Variants in MAGEL2 observed in about 807,000 individuals in gnomAD.
The protein encoded by MAGEL2 is MAGE family member L2.
For missense variants in MAGEL2, 1,830 were observed against 1,699.2 expected, an observed-to-expected ratio of 1.08 and a Z score of -1.35; for synonymous variants, 792 against 721.7, an observed-to-expected ratio of 1.10 and a Z score of -1.56.
chr15:23,647,231 T>C lies in MAGEL2; in HGVS notation c.512A>G (p.His171Arg). Residue 171 changes from histidine to arginine, a missense_variant, in exon 1 of 1, where the codon CAT becomes CGT. Physicochemically the swap from His to Arg is conservative, Grantham distance 29. Transcript: ENST00000650528. ...CATCGGGGTCCCCGGAGGAGGAGGA[T>C]GGGCCATCGGGGTCCCCGGAGGAGG... The part of the protein sequence containing the change: ...HPPPPGTPMA[H>R]PPPPGTPMVH... The C allele has an allele frequency of 6.6e-7, 1 of 1,524,938 alleles. No homozygotes were observed. Among genetic ancestry groups the C allele is most frequent in the Non-Finnish European group, 8.8e-7 (1 of 1,140,350 alleles). The allele number at this position is 1,524,938 out of a possible 1,614,324, so 94.5% of individuals were successfully genotyped here. A position where few individuals can be genotyped will look rare whatever the true frequency, so the allele number is the denominator to read the frequency against.
Position 23,644,453 on chromosome 15 carries a change from G to A in MAGEL2, c.3290C>T (p.Thr1097Ile), listed in dbSNP as rs1388240703. 19 of 1,613,918 alleles carry A rather than the reference G, an allele frequency of 1.2e-5. No homozygotes were observed. In the South Asian group the frequency reaches 2.1e-4, roughly 18 times the overall value. ...YIIINKLGYHTGNLVASYLDR... is the reference protein window; with the variant it reads ...YIIINKLGYHIGNLVASYLDR... ...TAAATAGGATGCCACCAAATTCCCTGTATGGTAGCCCAGCTTGTTGATGAT... is the reference window on the plus strand; with the variant it reads ...TAAATAGGATGCCACCAAATTCCCTATATGGTAGCCCAGCTTGTTGATGAT... Residue 1097 changes from threonine (T) to isoleucine (I), a missense_variant, in exon 1 of 1, where the codon ACA (threonine) becomes ATA (isoleucine). Physicochemically the swap from Thr to Ile is moderately conservative, Grantham distance 89. Coordinates refer to ENST00000650528, the MANE Select transcript of MAGEL2 (RefSeq NM_019066.5).
In MAGEL2 at chr15:23,646,085, G is replaced by T. The variant is rs1025712329; in HGVS notation, c.1658C>A (p.Ala553Glu). 21 of 1,460,984 alleles carry T rather than the reference G, an allele frequency of 1.4e-5. No homozygotes were observed. Among genetic ancestry groups the T allele is most frequent in the Non-Finnish European group, 1.8e-5 (20 of 1,113,106 alleles). 90.5% of individuals were successfully genotyped at this position (1,460,984 alleles called of 1,614,324 possible). A position where few individuals can be genotyped will look rare whatever the true frequency, so the allele number is the denominator to read the frequency against. ...PTAPPATQVP[A>E]APPAGPQVPQ... ...CACCTGCGGGCCAGCGGGCGGCGCC[G>T]CGGGTACCTGCGTAGCAGGTGGGGC... The change falls in exon 1 of 1, where the codon GCG becomes GAG. Residue 553 changes from alanine to glutamate, a missense_variant. Coordinates refer to ENST00000650528, the MANE Select transcript of MAGEL2 (RefSeq NM_019066.5). This position sits in a 1 kb window ranked among gnomAD's most constrained non-coding sequence, Gnocchi z 4.2.
At position 23,646,456 on chromosome 15, in the gene MAGEL2, CGGTGGTGGGCCAGGGCGGATG is replaced by C. The variant is rs977592809; in HGVS notation, c.1266_1286del (p.Ile423_Pro429del). Reference sequence around the variant, plus strand: ...GGATCAGCGGTGGGGCCTGTCGCACCGGTGGTGGGCCAGGGCGGATGGGTGGTGGGCCAGGGCGGATGGGCG... The same window carrying C: ...GGATCAGCGGTGGGGCCTGTCGCACCGGTGGTGGGCCAGGGCGGATGGGCG... On this transcript the variant is annotated inframe_deletion, in exon 1 of 1. Coordinates refer to ENST00000650528, the MANE Select transcript of MAGEL2 (RefSeq NM_019066.5). The surrounding 1 kb of genome is among the most constrained non-coding windows in gnomAD (Gnocchi z 4.2). The C allele has an allele frequency of 5.6e-5, 80 of 1,417,408 alleles. No homozygotes were observed. In the Middle Eastern group the frequency reaches 1.0e-3, roughly 18 times the overall value. The allele number at this position is 1,417,408 out of a possible 1,614,324, so 87.8% of individuals were successfully genotyped here. A position where few individuals can be genotyped will look rare whatever the true frequency, so the allele number is the denominator to read the frequency against.
rs1595331969 is a variant in MAGEL2, at chr15:23,645,091, C to T, written c.2652G>A (p.Lys884=). 2 of 1,613,912 alleles carry T rather than the reference C, an allele frequency of 1.2e-6. No homozygotes were observed. Among genetic ancestry groups the T allele is most frequent in the Non-Finnish European group, 1.7e-6 (2 of 1,179,908 alleles). The part of the protein sequence containing the change: ...TSVEPPRRSG[K]ATRKKKHLEA... ...CCAGATGCTTCTTCTTCCGGGTGGCCTTGCCGGAGCGGCGTGGCGGCTCGA... is the reference window on the plus strand; with the variant it reads ...CCAGATGCTTCTTCTTCCGGGTGGCTTTGCCGGAGCGGCGTGGCGGCTCGA... The change falls in exon 1 of 1, where the codon AAG becomes AAA. Residue 884 remains lysine (K), a synonymous_variant. Coordinates refer to ENST00000650528, the MANE Select transcript of MAGEL2 (RefSeq NM_019066.5).
chr15:23,644,609 T>C lies in MAGEL2; in HGVS notation c.3134A>G (p.Glu1045Gly). The change falls in exon 1 of 1, where the codon GAG (glutamate) becomes GGG (glycine). Residue 1045 changes from glutamate (E) to glycine (G), a missense_variant. Physicochemically the swap from Glu to Gly is moderately conservative, Grantham distance 98 (BLOSUM62 -2). Coordinates refer to ENST00000650528, the MANE Select transcript of MAGEL2 (RefSeq NM_019066.5). ...DQAKVPVQRS[E>G]MVKVILREYK... ...CTCTCGGAGGATGACTTTCACCATC[T>C]CCGAGCGCTGGACAGGCACCTTGGC... 31 of 1,613,892 alleles carry C rather than the reference T, an allele frequency of 1.9e-5. No homozygotes were observed. Among genetic ancestry groups the C allele is most frequent in the Non-Finnish European group, 2.6e-5 (31 of 1,179,856 alleles).
At position 23,644,950 on chromosome 15, in the gene MAGEL2, C is replaced by A. The variant is rs369568784; in HGVS notation, c.2793G>T (p.Ser931=). 1 of 1,613,708 alleles carries A rather than the reference C, an allele frequency of 6.2e-7. No homozygotes were observed. Among genetic ancestry groups the A allele is most frequent in the Non-Finnish European group, 8.5e-7 (1 of 1,179,888 alleles). The change falls in exon 1 of 1, where the codon TCG becomes TCT. Residue 931 remains serine, a synonymous_variant. Coordinates refer to ENST00000650528, the MANE Select transcript of MAGEL2 (RefSeq NM_019066.5). ...GGGTGTTTGGGTGCTCCCAGTCACCCGAGACCTGGATAGGGCTTTGGACCT... is the reference window on the plus strand; with the variant it reads ...GGGTGTTTGGGTGCTCCCAGTCACCAGAGACCTGGATAGGGCTTTGGACCT... ...DWEVQSPIQV[S]GDWEHPNTPR...
chr15:23,644,527 G>A lies in MAGEL2; in HGVS notation c.3216C>T (p.Ala1072=), dbSNP rs745316396. The change falls in exon 1 of 1, where the codon GCC becomes GCT. Residue 1072 remains alanine, a synonymous_variant. Transcript: ENST00000650528. ...CAATTTCTTTCAATTGATAACCAAA[G>A]GCACACTCCAGCTTATTGTTGGCAC... ...INRANNKLEC[A]FGYQLKEIDT... The A allele has an allele frequency of 6.2e-7, 1 of 1,613,772 alleles. No individual in the cohort carries two copies. The highest frequency in any genetic ancestry group is 8.5e-7 in the Non-Finnish European group (1 of 1,179,864).
Position 23,644,855 on chromosome 15 carries a change from G to A in MAGEL2, c.2888C>T (p.Ala963Val), listed in dbSNP as rs766076021. The A allele has an allele frequency of 6.2e-7, 1 of 1,612,186 alleles. No individual in the cohort carries two copies. The highest frequency in any genetic ancestry group is 1.7e-5 in the Admixed American group (1 of 59,982). ...CTCCCAGGCACTCAGGGCCCAGGATGCGCTGGGCCCTTCCCAGCCACTCAG... is the reference window on the plus strand; with the variant it reads ...CTCCCAGGCACTCAGGGCCCAGGATACGCTGGGCCCTTCCCAGCCACTCAG... ...RILSGWEGPS[A>V]SWALSAWEGP... Residue 963 changes from alanine to valine, a missense_variant, in exon 1 of 1, where the codon GCA (alanine) becomes GTA (valine). Ala to Val is a moderately conservative substitution (Grantham distance 64). Coordinates refer to ENST00000650528, the MANE Select transcript of MAGEL2 (RefSeq NM_019066.5).
At position 23,647,065 on chromosome 15, in the gene MAGEL2, A is replaced by C. The variant is rs367737053; in HGVS notation, c.678T>G (p.Gly226=). The change falls in exon 1 of 1, where the codon GGT becomes GGG. Residue 226 remains glycine, a synonymous_variant. Transcript: ENST00000650528. ...GAGCTGGAGGCTGGGCCATCGGTGT[A>C]CCCGGAGGGGGAGGATGAGCCATCG... ...GTPMAHPPPP[G]TPMAQPPAPG... 1,681 of 1,526,462 alleles carry C rather than the reference A, an allele frequency of 1.1e-3. 12 individuals carry two copies. The African/African-American group carries it at 0.019, about 17-fold the overall frequency. The allele number at this position is 1,526,462 out of a possible 1,614,324, so 94.6% of individuals were successfully genotyped here.
chr15:23,645,949 G>T lies in MAGEL2; in HGVS notation c.1794C>A (p.His598Gln). 6.4e-7 allele frequency: 1 copy of T among 1,567,414 alleles called. No homozygotes were observed. The highest frequency in any genetic ancestry group is 8.7e-7 in the Non-Finnish European group (1 of 1,155,764). Reference sequence around the variant, plus strand: ...GGAATTCCATTGACGTTGGAATCTCGTGTGGCACCGGGGGCTGACCTTTGG... The same window carrying T: ...GGAATTCCATTGACGTTGGAATCTCTTGTGGCACCGGGGGCTGACCTTTGG... Reference protein sequence around the residue: ...QAPKGQPPVPHEIPTSMEFQE... With the variant: ...QAPKGQPPVPQEIPTSMEFQE... Residue 598 changes from histidine to glutamine, a missense_variant, in exon 1 of 1, where the codon CAC becomes CAA. Transcript: ENST00000650528.
rs760802761 is a variant in MAGEL2, at chr15:23,645,284, G to A, written c.2459C>T (p.Ala820Val). 31 of 1,613,898 alleles carry A rather than the reference G, an allele frequency of 1.9e-5. No individual in the cohort carries two copies. The African/African-American group carries it at 3.5e-4, about 18-fold the overall frequency. ...ASETPKSLPY[A>V]LQDPFACVEA... Reference sequence around the variant, plus strand: ...TACACAGGCAAAGGGATCCTGCAGAGCATATGGCAGTGACTTTGGGGTCTC... The same window carrying A: ...TACACAGGCAAAGGGATCCTGCAGAACATATGGCAGTGACTTTGGGGTCTC... The change falls in exon 1 of 1, where the codon GCT becomes GTT. Residue 820 changes from alanine (A) to valine (V), a missense_variant. Physicochemically the swap from Ala to Val is moderately conservative, Grantham distance 64. Transcript: ENST00000650528.
chr15:23,645,811 C>G lies in MAGEL2; in HGVS notation c.1932G>C (p.Gln644His). ...GGGCTCCCTGAAAGGGCTGCTCCAGCTGGACCAAGGGGGGAGCCTGCCTCT... is the reference window on the plus strand; with the variant it reads ...GGGCTCCCTGAAAGGGCTGCTCCAGGTGGACCAAGGGGGGAGCCTGCCTCT... ...EAQRQAPPLV[Q>H]LEQPFQGAPP... Residue 644 changes from glutamine (Q) to histidine (H), a missense_variant, in exon 1 of 1, where the codon CAG becomes CAC. Transcript: ENST00000650528. 1 of 1,590,266 alleles carries G rather than the reference C, an allele frequency of 6.3e-7. No individual in the cohort carries two copies. Among genetic ancestry groups the G allele is most frequent in the Non-Finnish European group, 8.5e-7 (1 of 1,169,658 alleles).
Position 23,645,600 on chromosome 15 carries a change from T to C in MAGEL2, c.2143A>G (p.Met715Val), listed in dbSNP as rs772958890. Reference sequence around the variant, plus strand: ...GCCCTGCATTCTCCTGATGGAGTCATCAATGATTTAGCGGAGCCCAGGGGA... The same window carrying C: ...GCCCTGCATTCTCCTGATGGAGTCACCAATGATTTAGCGGAGCCCAGGGGA... ...NFPLGSAKSL[M>V]TPSGECRASS... Residue 715 changes from methionine to valine, a missense_variant, in exon 1 of 1, where the codon ATG (methionine) becomes GTG (valine). Coordinates refer to ENST00000650528, the MANE Select transcript of MAGEL2 (RefSeq NM_019066.5). The C allele has an allele frequency of 2.5e-6, 4 of 1,603,144 alleles. No individual in the cohort carries two copies. Among genetic ancestry groups the C allele is most frequent in the African/African-American group, 1.3e-5 (1 of 74,468 alleles).
chr15:23,644,514 A>G lies in MAGEL2; in HGVS notation c.3229T>C (p.Leu1077=), dbSNP rs2233071. 1.7e-3 allele frequency: 2,696 copies of G among 1,613,814 alleles called. 36 individuals carry two copies. The African/African-American group carries it at 0.03, about 18-fold the overall frequency. The change falls in exon 1 of 1, where the codon TTG becomes CTG. Residue 1077 remains leucine (L), a synonymous_variant. Coordinates refer to ENST00000650528, the MANE Select transcript of MAGEL2 (RefSeq NM_019066.5). ...NKLECAFGYQ[L]KEIDTKNHAY... ...TGGTTTTTGGTATCAATTTCTTTCA[A>G]TTGATAACCAAAGGCACACTCCAGC...
chr15:23,645,475 G>GA lies in MAGEL2; in HGVS notation c.2267dup (p.Cys757LeufsTer49). 1 of 1,614,012 alleles carries GA rather than the reference G, an allele frequency of 6.2e-7. No homozygotes were observed. Among genetic ancestry groups the GA allele is most frequent in the Non-Finnish European group, 8.5e-7 (1 of 1,179,904 alleles). The stretch of plus-strand genomic sequence containing the variant: ...CAGCTGACACTGCCTTGGGAGCACA[G>GA]AAGGTGGCAGCAAAGATCATGCGGT... On this transcript the variant is annotated frameshift_variant, in exon 1 of 1. Coordinates refer to ENST00000650528, the MANE Select transcript of MAGEL2 (RefSeq NM_019066.5). LOFTEE classifies it low-confidence loss of function (END_TRUNC).
At position 23,647,669 on chromosome 15, in the gene MAGEL2, C is replaced by A. The variant is rs895771494; in HGVS notation, c.74G>T (p.Arg25Leu). Residue 25 changes from arginine to leucine, a missense_variant, in exon 1 of 1, where the codon CGC (arginine) becomes CTC (leucine). Physicochemically the swap from Arg to Leu is moderately radical, Grantham distance 102. Transcript: ENST00000650528. ...CGGGGCCCGCATCAGAACCGTAGGG[C>A]GGCTATAGACAGGCGGCTTCGGGGC... ...AEAPKPPVYS[R>L]PTVLMRAPPA... 1 of 1,514,010 alleles carries A rather than the reference C, an allele frequency of 6.6e-7. No individual in the cohort carries two copies. Among genetic ancestry groups the A allele is most frequent in the South Asian group, 1.2e-5 (1 of 80,474 alleles). 93.8% of individuals were successfully genotyped at this position (1,514,010 alleles called of 1,614,324 possible).
chr15:23,644,113 C>T lies in MAGEL2; in HGVS notation c.3630G>A (p.Gln1210=). 6.2e-7 allele frequency: 1 copy of T among 1,613,972 alleles called. No individual in the cohort carries two copies. Among genetic ancestry groups the T allele is most frequent in the East Asian group, 2.2e-5 (1 of 44,878 alleles). Residue 1210 remains glutamine, a synonymous_variant, in exon 1 of 1, where the codon CAG becomes CAA. Transcript: ENST00000650528. ...CTTCAAGGTAATGGAATGGCCAGCT[C>T]TGTGGATCTTTCTTATGGAGCTTGG... is the stretch of plus-strand genomic sequence containing the variant. The part of the protein sequence containing the change: ...FLAKLHKKDP[Q]SWPFHYLEAL...
rs2233063 is a variant in MAGEL2, at chr15:23,646,356, C to G, written c.1387G>C (p.Ala463Pro). 66,806 of 1,268,070 alleles carry G rather than the reference C, an allele frequency of 0.053. 2,077 individuals are homozygous for G. The highest frequency in any genetic ancestry group is 0.16 in the African/African-American group (7,651 of 46,530). The allele number at this position is 1,268,070 out of a possible 1,614,324, so 78.6% of individuals were successfully genotyped here. ...QAPPVIRQAP[A>P]VIRQAPPVIR... ...ACAGGTGGGGCCTGGCGGATCACAG[C>G]GGGGGCCTGGCGGATCACGGGTGGG... The change falls in exon 1 of 1, where the codon GCT (alanine) becomes CCT (proline). Residue 463 changes from alanine (A) to proline (P), a missense_variant. Transcript: ENST00000650528. The surrounding 1 kb of genome is among the most constrained non-coding windows in gnomAD (Gnocchi z 4.2).
rs1273933786 is a variant in MAGEL2 at position 23,647,608 on chromosome 15, A to T, written c.135T>A (p.Asp45Glu). 4.2e-5 allele frequency: 65 copies of T among 1,536,780 alleles called. No individual in the cohort carries two copies. The Admixed American group carries it at 1.2e-3, about 29-fold the overall frequency. Residue 45 changes from aspartate to glutamate, a missense_variant, in exon 1 of 1, where the codon GAT becomes GAA. Asp to Glu is a conservative substitution (Grantham distance 45, BLOSUM62 2). Coordinates refer to ENST00000650528, the MANE Select transcript of MAGEL2 (RefSeq NM_019066.5). ...ASSRAPPVPW[D>E]PPPIDLQASL... is the part of the protein sequence containing the mutation. ...AAGCCTGCAAGTCAATTGGAGGTGG[A>T]TCCCAAGGGACTGGCGGAGCCCGGG... is the stretch of plus-strand genomic sequence containing the variant.
Sources: gnomAD v4.1 joint callset for allele counts on GRCh38, gnomAD v4.1.1 for gene constraint, Gnocchi (gnomAD v3.1) non-coding constraint, MANE v1.5 for transcripts, NCBI Gene and HGNC (gene_info 2026-07-23, HGNC 2026-07-21) for gene names.